TSHZ1: variants seen among roughly 807,000 people sequenced by gnomAD.
The protein encoded by TSHZ1 is teashirt homolog 1.
A neutral mutation model predicts 67.1 loss-of-function variants in TSHZ1; 12 were observed. The observed-to-expected ratio is 0.18, with a 90% CI of 0.11 to 0.29. The LOEUF (loss-of-function observed/expected upper bound fraction) is 0.29. TSHZ1 is among the 10% of genes least tolerant of loss of function. The pLI is 1.00. For missense variants in TSHZ1, 1,305 were observed against 1,413.9 expected, an observed-to-expected ratio of 0.92 and a Z score of 1.23; for synonymous variants, 632 against 622.4, an observed-to-expected ratio of 1.02 and a Z score of -0.23.
chr18:75,285,200 A>G (rs760952847), intron 1 of TSHZ1: 5 of 328,218 alleles, frequency 1.5e-5, no homozygotes, highest in Non-Finnish European at 2.7e-5. Context: ...GGTCAAACTG[A>G]CATCTTTGGG....
chr18:75,277,527 T>G (rs2023628897), intron 1 of TSHZ1, among the ~76,000 whole-genome samples: 3 of 151,820 alleles, frequency 2.0e-5, no homozygotes, highest in Non-Finnish European at 2.9e-5. Context: ...AGGTGGGAGA[T>G]CAAGGCAGCA....
intron 1 of TSHZ1, among the ~76,000 whole-genome samples, chr18:75,242,668 T>TA (rs1555726841): frequency 1.3e-5 from 2 of 152,230 alleles, no homozygotes; most frequent in Non-Finnish European, 2.9e-5. Flanking sequence ...GTAGAATAAA[T>TA]ATCAGCAGAG....
At chr18:75,249,731 C>T (rs1174166334) in intron 1 of TSHZ1, among the ~76,000 whole-genome samples, 1 of 150,586 alleles carries the variant, frequency 6.6e-6, no homozygotes, top group African/African-American at 2.5e-5. Flanking sequence ...ATGACTTCCT[C>T]CTCCTCACCT....
At chr18:75,257,541 A>G (rs111817115) in intron 1 of TSHZ1, among the ~76,000 whole-genome samples, 1,548 of 152,254 alleles carry the variant, frequency 0.01, 8 homozygotes, top group Non-Finnish European at 0.014. Flanking sequence ...ATATTTTGTA[A>G]GTTACTAATT....
chr18:75,265,707 C>T (rs2023482615), intron 1 of TSHZ1, among the ~76,000 whole-genome samples: 1 of 152,158 alleles, frequency 6.6e-6, no homozygotes, highest in Non-Finnish European at 1.5e-5. Context: ...ATCTGCTTCT[C>T]CCCCATCTCA....
intron 1 of TSHZ1, among the ~76,000 whole-genome samples, chr18:75,217,464 T>G (rs149081440): frequency 2.2e-4 from 34 of 152,314 alleles, no homozygotes; most frequent in African/African-American, 7.5e-4. Context: ...TGTTTTGTTT[T>G]GGTTTCTTGT....
Position 75,287,583 on chromosome 18 carries a change from G to C in TSHZ1, c.2176G>C (p.Gly726Arg). The stretch of plus-strand genomic sequence containing the variant: ...GCCTCTCAAAGCAAAGGTCACCAAC[G>C]GCTGTAACAACCTGGGGATCATCAT... ...TEPLKAKVTN[G>R]CNNLGIIMDH... is the part of the protein sequence containing the mutation. The change falls in exon 2 of 2, where the codon GGC becomes CGC. Residue 726 changes from glycine to arginine, a missense_variant. By Grantham distance (125) the Gly-to-Arg change is moderately radical. Coordinates refer to ENST00000580243, the MANE Select transcript of TSHZ1 (RefSeq NM_001308210.2). The surrounding 1 kb of genome is among the most constrained non-coding windows in gnomAD (Gnocchi z 5.0). The C allele has an allele frequency of 1.9e-6, 3 of 1,614,156 alleles. No individual in the cohort carries two copies. The highest frequency in any genetic ancestry group is 2.2e-5 in the East Asian group (1 of 44,878).
chr18:75,249,542 A>G, intron 1 of TSHZ1, among the ~76,000 whole-genome samples: 1 of 149,774 alleles, frequency 6.7e-6, no homozygotes, highest in African/African-American at 2.5e-5. Context: ...GGGGCAGGTG[A>G]CCTCCTCGCC....
chr18:75,282,224 C>T (rs2023696140), intron 1 of TSHZ1, among the ~76,000 whole-genome samples: 1 of 152,154 alleles, frequency 6.6e-6, no homozygotes, highest in Non-Finnish European at 1.5e-5. Context: ...CTGGACAACG[C>T]TCTGTGCCTG....
At position 75,286,065 on chromosome 18, in the gene TSHZ1, C is replaced by G; in HGVS notation, c.658C>G (p.Pro220Ala). ...QTSSYGLLPE[P>A]SLFSTVQLYR... ...GTCCTCGTATGGGCTGCTTCCTGAG[C>G]CCAGCCTGTTCAGCACCGTGCAGCT... Residue 220 changes from proline to alanine, a missense_variant, in exon 2 of 2, where the codon CCC (proline) becomes GCC (alanine). Physicochemically the swap from Pro to Ala is conservative, Grantham distance 27 (BLOSUM62 -1). Coordinates refer to ENST00000580243, the MANE Select transcript of TSHZ1 (RefSeq NM_001308210.2). The surrounding 1 kb of genome is among the most constrained non-coding windows in gnomAD (Gnocchi z 5.1). 6.2e-7 allele frequency: 1 copy of G among 1,613,384 alleles called. No homozygotes were observed. The highest frequency in any genetic ancestry group is 8.5e-7 in the Non-Finnish European group (1 of 1,179,684).
At chr18:75,244,962 C>T (rs547422195) in intron 1 of TSHZ1, among the ~76,000 whole-genome samples, 1 of 152,238 alleles carries the variant, frequency 6.6e-6, no homozygotes, top group East Asian at 1.9e-4. Context: ...CTCCACCTTC[C>T]CCCATCTCTC....
intron 1 of TSHZ1, among the ~76,000 whole-genome samples, chr18:75,223,829 T>C (rs1316117586): frequency 6.6e-6 from 1 of 152,066 alleles, no homozygotes; most frequent in East Asian, 1.9e-4. Context: ...ATCCTGTGAC[T>C]AAACACACCC....
chr18:75,262,015 A>G lies in TSHZ1; in HGVS notation c.41-23433A>G, dbSNP rs190819014. Among the ~76,000 whole-genome samples the G allele has an allele frequency of 2.8e-3, 424 of 152,276 alleles. 3 individuals are homozygous for G. The highest frequency in any genetic ancestry group is 1.0e-2 in the African/African-American group (415 of 41,550). On this transcript the variant is annotated intron_variant, in intron 1 of 1. Coordinates refer to ENST00000580243, the MANE Select transcript of TSHZ1 (RefSeq NM_001308210.2). ...GGGGTTGTGCCTGGTGTGACTTCAG[A>G]GTGCAGGGGGAAGCTGCTGGTTTCG...
At chr18:75,246,992 C>T (rs940294108) in intron 1 of TSHZ1, among the ~76,000 whole-genome samples, 2 of 152,114 alleles carry the variant, frequency 1.3e-5, no homozygotes, top group African/African-American at 4.8e-5. Context: ...AGGATTTATT[C>T]CAAGTTTGAG....
chr18:75,274,075 G>A (rs2023587921), intron 1 of TSHZ1, among the ~76,000 whole-genome samples: 1 of 152,138 alleles, frequency 6.6e-6, no homozygotes, highest in African/African-American at 2.4e-5. Flanking sequence ...TCTGTAGGGT[G>A]CTGTGCGTGT....
intron 1 of TSHZ1, among the ~76,000 whole-genome samples, chr18:75,261,848 A>C (rs554300480): frequency 2.2e-4 from 34 of 152,318 alleles, no homozygotes; most frequent in African/African-American, 7.9e-4. Context: ...TAACCTTACA[A>C]ATCAACTTAA....
At chr18:75,260,544 C>T (rs1470692237) in intron 1 of TSHZ1, among the ~76,000 whole-genome samples, 2 of 152,208 alleles carry the variant, frequency 1.3e-5, no homozygotes, top group Non-Finnish European at 2.9e-5. Flanking sequence ...GTCATCTTTT[C>T]CTTCTATTTT....
In TSHZ1 at chr18:75,285,912, G is replaced by T; in HGVS notation, c.505G>T (p.Gly169Cys). Reference sequence around the variant, plus strand: ...CCCCACCTGCCCCGTCAGCACCACTGGCCCCACCACGAGCACGCCCAGCAC... The same window carrying T: ...CCCCACCTGCCCCGTCAGCACCACTTGCCCCACCACGAGCACGCCCAGCAC... ...TPPTCPVSTT[G>C]PTTSTPSTSC... is the part of the protein sequence containing the mutation. The change falls in exon 2 of 2, where the codon GGC (glycine) becomes TGC (cysteine). Residue 169 changes from glycine (G) to cysteine (C), a missense_variant. By Grantham distance (159) the Gly-to-Cys change is radical. Transcript: ENST00000580243. 1.6e-6 allele frequency: 2 copies of T among 1,224,722 alleles called. No homozygotes were observed. Among genetic ancestry groups the T allele is most frequent in the East Asian group, 9.5e-5 (2 of 21,060 alleles). 75.9% of individuals were successfully genotyped at this position (1,224,722 alleles called of 1,614,324 possible).
At chr18:75,234,382 G>A (rs1214844369) in intron 1 of TSHZ1, among the ~76,000 whole-genome samples, 2 of 152,134 alleles carry the variant, frequency 1.3e-5, no homozygotes, top group African/African-American at 2.4e-5. Flanking sequence ...AATTTTCAGC[G>A]ATACTTTAGC....
Sources: allele counts gnomAD v4.1 joint callset (sites outside exome capture counted in the v4.1 genomes callset), GRCh38; gene constraint gnomAD v4.1.1; non-coding constraint Gnocchi (gnomAD v3.1); transcripts MANE v1.5; gene names NCBI Gene and HGNC (gene_info 2026-07-23, HGNC 2026-07-21).